HACD2: variants seen among roughly 807,000 people sequenced by gnomAD.
HACD2 encodes 3-hydroxyacyl-CoA dehydratase 2.
A neutral mutation model predicts 31.0 loss-of-function variants in HACD2; 15 were observed. The observed-to-expected ratio is 0.48, with a 90% confidence interval of 0.32 to 0.75. The LOEUF is 0.75. HACD2 is among the 30% of genes least tolerant of loss of function. HACD2 has a pLI of 0.03. For synonymous variants in HACD2, 115 were observed against 122.2 expected, an observed-to-expected ratio of 0.94 and a Z score of 0.39; for missense variants, 283 against 313.0, an observed-to-expected ratio of 0.90 and a Z score of 0.72.
chr3:123,536,458 C>T (rs541596648), intron 3 of HACD2, among the ~76,000 whole-genome samples: 3 of 152,246 alleles, frequency 2.0e-5, no homozygotes, highest in African/African-American at 7.2e-5. Context: ...AGGAAACCAC[C>T]CATTGCATCC....
chr3:123,576,774 T>C (rs1487428870), intron 2 of HACD2, among the ~76,000 whole-genome samples: 1 of 152,192 alleles, frequency 6.6e-6, no homozygotes, highest in Non-Finnish European at 1.5e-5. Flanking sequence ...TCAGTTAGTG[T>C]TTGAGCCATA....
At chr3:123,502,917 A>T in intron 4 of HACD2, 1 of 426,460 alleles carries the variant, frequency 2.3e-6, no homozygotes, top group East Asian at 3.7e-5. Context: ...TGAGAGCAGC[A>T]GGGTGGGGGT....
At chr3:123,567,645 A>G in intron 3 of HACD2, 117 bp downstream of exon 3, 1 of 657,200 alleles carries the variant, frequency 1.5e-6, no homozygotes, top group East Asian at 3.1e-5. Flanking sequence ...TTCATACATG[A>G]TGACTAAATC....
chr3:123,524,934 A>T lies in HACD2; in HGVS notation c.381+3452T>A, dbSNP rs1375790271. Among the ~76,000 whole-genome samples, 7 of 152,250 alleles carry T rather than the reference A, an allele frequency of 4.6e-5. No homozygotes were observed. In the East Asian group the frequency reaches 1.3e-3, roughly 29 times the overall value. ...CTTCCAAACTCTAAATGGAGACTAC[A>T]AGCTACCTATCTCAAGGCATGGTTG... On this transcript the variant is annotated intron_variant, in intron 4 of 6. Coordinates refer to ENST00000383657, the MANE Select transcript of HACD2 (RefSeq NM_198402.5).
chr3:123,540,727 T>C (rs1459768272), intron 3 of HACD2, among the ~76,000 whole-genome samples: 1 of 152,168 alleles, frequency 6.6e-6, no homozygotes, highest in African/African-American at 2.4e-5. Flanking sequence ...GGTTCATATG[T>C]ATTTCACCAG....
At chr3:123,511,416 A>G (rs1025412820) in intron 4 of HACD2, among the ~76,000 whole-genome samples, 2 of 152,150 alleles carry the variant, frequency 1.3e-5, no homozygotes, top group African/African-American at 2.4e-5. Context: ...ATCAATAACT[A>G]TTGGAAGGAA....
intron 3 of HACD2, chr3:123,543,598 AT>A (rs894464190): frequency 3.1e-6 from 1 of 319,848 alleles, no homozygotes; most frequent in African/African-American, 2.2e-5. Flanking sequence ...TATTAAAAAA[AT>A]AAACTCATTT....
chr3:123,562,315 T>G lies in HACD2; in HGVS notation c.292+5447A>C, dbSNP rs116244574. Among the ~76,000 whole-genome samples, 1,488 of 152,274 alleles carry G rather than the reference T, an allele frequency of 9.8e-3. 23 individuals carry two copies. Among genetic ancestry groups the G allele is most frequent in the African/African-American group, 0.033 (1,391 of 41,546 alleles). On this transcript the variant is annotated intron_variant, in intron 3 of 6. Transcript: ENST00000383657. ...CAGAAATGAGCCCCTCCATGGATTTTAGTTGATTGTTTCTGGAGGCCGTAT... is the reference window on the plus strand; with the variant it reads ...CAGAAATGAGCCCCTCCATGGATTTGAGTTGATTGTTTCTGGAGGCCGTAT...
chr3:123,578,548 G>T (rs2056932287), intron 2 of HACD2, among the ~76,000 whole-genome samples: 1 of 152,162 alleles, frequency 6.6e-6, no homozygotes, highest in Non-Finnish European at 1.5e-5. Context: ...TGGGATTACA[G>T]GTGTGAGCCA....
chr3:123,559,197 G>A (rs963204654), intron 3 of HACD2, among the ~76,000 whole-genome samples: 2 of 152,064 alleles, frequency 1.3e-5, no homozygotes, highest in Admixed American at 6.6e-5. Flanking sequence ...AAGTCATCCC[G>A]AAGCCCTATA....
At chr3:123,506,733 C>T (rs1242531637) in intron 4 of HACD2, among the ~76,000 whole-genome samples, 2 of 152,120 alleles carry the variant, frequency 1.3e-5, no homozygotes, top group East Asian at 3.8e-4. Flanking sequence ...CTACACCTGG[C>T]CACTTTTCTA....
At chr3:123,563,642 TATACACACAC>T (rs1372424892) in intron 3 of HACD2, among the ~76,000 whole-genome samples, 3,281 of 105,202 alleles carry the variant, frequency 0.031, 46 homozygotes, top group African/African-American at 0.048. Context: ...AAAAAATATA[TATACACACAC>T]ACACACACAC....
intron 4 of HACD2, among the ~76,000 whole-genome samples, chr3:123,506,912 C>G (rs2055983373): frequency 6.6e-6 from 1 of 152,106 alleles, no homozygotes; most frequent in Non-Finnish European, 1.5e-5. Flanking sequence ...TACTCAGCTG[C>G]TTTTTGAATT....
intron 4 of HACD2, among the ~76,000 whole-genome samples, chr3:123,525,332 T>TC (rs1308693259): frequency 6.6e-6 from 1 of 152,252 alleles, no homozygotes. Context: ...TTGATTCAAA[T>TC]TTTTTCATTA....
intron 3 of HACD2, among the ~76,000 whole-genome samples, chr3:123,547,979 C>T (rs1002337797): frequency 2.6e-5 from 4 of 151,954 alleles, no homozygotes; most frequent in African/African-American, 9.7e-5. Flanking sequence ...AGTGGAAGAA[C>T]CAGAATCAAA....
chr3:123,502,484 C>T (rs1407414531), intron 5 of HACD2, 76 bp downstream of exon 5: 8 of 1,462,798 alleles, frequency 5.5e-6, no homozygotes, highest in Non-Finnish European at 7.4e-6. Flanking sequence ...AACTTTGAGG[C>T]AATATTTAGG....
At chr3:123,567,361 G>A (rs1192932756) in intron 3 of HACD2, among the ~76,000 whole-genome samples, 1 of 152,158 alleles carries the variant, frequency 6.6e-6, no homozygotes, top group Non-Finnish European at 1.5e-5. Flanking sequence ...TCACCTGGGA[G>A]GTAGGCAATA....
At chr3:123,557,785 G>A (rs753292174) in intron 3 of HACD2, among the ~76,000 whole-genome samples, 1 of 152,138 alleles carries the variant, frequency 6.6e-6, no homozygotes, top group Admixed American at 6.5e-5. Flanking sequence ...AATACCAAAC[G>A]CAGCAGAGGA....
chr3:123,509,778 T>C (rs1238228575), intron 4 of HACD2, among the ~76,000 whole-genome samples: 3 of 151,986 alleles, frequency 2.0e-5, no homozygotes, highest in Non-Finnish European at 4.4e-5. Flanking sequence ...GGATTACAGG[T>C]GAGCAACCGC....
Sources: gnomAD v4.1 joint callset for allele counts (sites outside exome capture counted in the v4.1 genomes callset) on GRCh38, gnomAD v4.1.1 for gene constraint, MANE v1.5 for transcripts, NCBI Gene and HGNC (gene_info 2026-07-23, HGNC 2026-07-21) for gene names.